Variants in HSPA12A observed in about 807,000 individuals in gnomAD.
HSPA12A encodes the protein heat shock protein family A (Hsp70) member 12A, also known as heat shock 70 kDa protein 12A.
In HSPA12A, 28 loss-of-function variants were observed where a neutral mutation model predicts 69.2. The ratio of observed to expected loss-of-function variants is 0.40; its 90% CI spans 0.30 to 0.55. The LOEUF (loss-of-function observed/expected upper bound fraction) is 0.55. Among genes scored for constraint, HSPA12A ranks in the 20% least tolerant of loss-of-function variants. HSPA12A has a pLI of 0.38. For synonymous variants in HSPA12A, 345 were observed against 370.5 expected, an observed-to-expected ratio of 0.93 and a Z score of 0.79; for missense variants, 686 against 900.7, an observed-to-expected ratio of 0.76 and a Z score of 3.05.
At chr10:116,803,016 G>A (rs967631967) in intron 2 of HSPA12A, among the ~76,000 whole-genome samples, 1 of 151,896 alleles carries the variant, frequency 6.6e-6, no homozygotes, top group Non-Finnish European at 1.5e-5. Flanking sequence ...ACAGAACAGG[G>A]CAAGAAATAA....
intron 2 of HSPA12A, among the ~76,000 whole-genome samples, chr10:116,757,016 G>C (rs1192049384): frequency 6.6e-6 from 1 of 152,008 alleles, no homozygotes; most frequent in African/African-American, 2.4e-5. Flanking sequence ...CCTAGAGACA[G>C]GTAATAGTAT....
At chr10:116,787,452 A>C (rs1365886124) in intron 2 of HSPA12A, among the ~76,000 whole-genome samples, 6 of 150,038 alleles carry the variant, frequency 4.0e-5, no homozygotes, top group South Asian at 2.2e-4. Flanking sequence ...AAAAAAAAAA[A>C]AAAAAAAAAA....
intron 1 of HSPA12A, among the ~76,000 whole-genome samples, chr10:116,730,352 G>A (rs1301730728): frequency 6.6e-6 from 1 of 152,186 alleles, no homozygotes; most frequent in African/African-American, 2.4e-5. Flanking sequence ...GAATACCTTG[G>A]TGAGGTCAAG....
chr10:116,784,989 C>G (rs1391950378), intron 2 of HSPA12A, among the ~76,000 whole-genome samples: 1 of 152,154 alleles, frequency 6.6e-6, no homozygotes, highest in East Asian at 1.9e-4. Context: ...GTTCTAGGCC[C>G]TGCTGTGTTC....
At chr10:116,817,796 G>T (rs1589723892) in intron 2 of HSPA12A, among the ~76,000 whole-genome samples, 1 of 152,126 alleles carries the variant, frequency 6.6e-6, no homozygotes, top group South Asian at 2.1e-4. Context: ...AAGAATGTGG[G>T]TCAGTCAAGA....
chr10:116,810,417 T>C (rs1016790840), intron 2 of HSPA12A, among the ~76,000 whole-genome samples: 1 of 151,548 alleles, frequency 6.6e-6, no homozygotes, highest in East Asian at 1.9e-4. Context: ...TAGACGAGGG[T>C]TTTTTCTTTC....
At chr10:116,748,980 C>G (rs1345559161) in intron 2 of HSPA12A, among the ~76,000 whole-genome samples, 1 of 152,076 alleles carries the variant, frequency 6.6e-6, no homozygotes, top group Non-Finnish European at 1.5e-5. Context: ...CAGAGCAGAC[C>G]CAGCTCCTCT....
chr10:116,780,692 T>C (rs1844445149), intron 2 of HSPA12A, among the ~76,000 whole-genome samples: 1 of 152,228 alleles, frequency 6.6e-6, no homozygotes, highest in African/African-American at 2.4e-5. Flanking sequence ...TTAAAAATTA[T>C]GATGCGTGCT....
intron 2 of HSPA12A, among the ~76,000 whole-genome samples, chr10:116,758,796 G>A (rs1843905065): frequency 6.6e-6 from 1 of 152,168 alleles, no homozygotes; most frequent in African/African-American, 2.4e-5. Context: ...TAGAGAAACT[G>A]AATTTAAAAC....
In HSPA12A at chr10:116,692,461, T is replaced by G; in HGVS notation, c.553A>C (p.Ser185Arg). The G allele has an allele frequency of 1.2e-6, 2 of 1,613,502 alleles. No individual in the cohort carries two copies. Among genetic ancestry groups the G allele is most frequent in the Non-Finnish European group, 1.7e-6 (2 of 1,179,492 alleles). The change falls in exon 6 of 12, where the codon AGT (serine) becomes CGT (arginine). Residue 185 changes from serine to arginine, a missense_variant. Ser to Arg is a moderately radical substitution (Grantham distance 110). Transcript: ENST00000369209. The stretch of plus-strand genomic sequence containing the variant: ...TCGAACTCCGAACCCGCCTGGTCAC[T>G]CAGCTCCTGAAGCCAAGGGAAAGAA... ...YFKEQALKEL[S>R]DQAGSEFENS...
At chr10:116,831,927 C>T (rs747603667) in intron 2 of HSPA12A, 3 of 152,174 alleles carry the variant, frequency 2.0e-5, no homozygotes, top group South Asian at 2.1e-4. Flanking sequence ...AAACCGCAAT[C>T]GCAGCTGTGC....
chr10:116,741,014 TCAGA>T (rs1176325793), intron 1 of HSPA12A, among the ~76,000 whole-genome samples: 1 of 146,510 alleles, frequency 6.8e-6, no homozygotes, highest in Non-Finnish European at 1.5e-5. Context: ...TGAGTGATGT[TCAGA>T]CAAAGACAGC....
intron 1 of HSPA12A, among the ~76,000 whole-genome samples, chr10:116,847,847 C>T (rs548160412): frequency 6.6e-6 from 1 of 152,274 alleles, no homozygotes; most frequent in South Asian, 2.1e-4. Flanking sequence ...TCGCAATCTT[C>T]CATTGAGATG....
Position 116,834,934 on chromosome 10 carries a change from C to T in HSPA12A, c.91+1G>A. 8.1e-7 allele frequency: 1 copy of T among 1,229,706 alleles called. No homozygotes were observed. The allele number at this position is 1,229,706 out of a possible 1,614,324, so 76.2% of individuals were successfully genotyped here. A position where few individuals can be genotyped will look rare whatever the true frequency, so the allele number is the denominator to read the frequency against. On this transcript the variant is annotated splice_donor_variant, in intron 2 of 12. Coordinates refer to the HSPA12A transcript ENST00000635765. LOFTEE classifies it high-confidence loss of function. ...CTTACACACATTAGTTAATTTCCTA[C>T]CTGAAGCGGCTATTTCCCACCTTGA...
In HSPA12A at chr10:116,675,472, G is replaced by T. The variant is rs1554877580; in HGVS notation, c.1391-54C>A. The T allele has an allele frequency of 1.3e-6, 2 of 1,492,006 alleles. No homozygotes were observed. The highest frequency in any genetic ancestry group is 1.4e-5 in the African/African-American group (1 of 71,416). 92.4% of individuals were successfully genotyped at this position (1,492,006 alleles called of 1,614,324 possible). ...CTGTCACCAAAAGCCAGCAAGGAAGGGGGAACTGGGCTGCCTGCATCTGTG... is the reference window on the plus strand; with the variant it reads ...CTGTCACCAAAAGCCAGCAAGGAAGTGGGAACTGGGCTGCCTGCATCTGTG... On this transcript the variant is annotated intron_variant, in intron 11 of 11. Coordinates refer to ENST00000369209, the MANE Select transcript of HSPA12A (RefSeq NM_025015.3). This position sits in a 1 kb window ranked among gnomAD's most constrained non-coding sequence, Gnocchi z 5.2.
At chr10:116,790,048 C>T (rs564965485) in intron 2 of HSPA12A, among the ~76,000 whole-genome samples, 8 of 151,772 alleles carry the variant, frequency 5.3e-5, no homozygotes, top group Non-Finnish European at 1.2e-4. Flanking sequence ...AAGGTCCTCC[C>T]ATGGCCCAGG....
At chr10:116,773,839 G>A (rs1033510889) in intron 2 of HSPA12A, among the ~76,000 whole-genome samples, 12 of 152,220 alleles carry the variant, frequency 7.9e-5, no homozygotes, top group Non-Finnish European at 1.8e-4. Context: ...TGATGATGCT[G>A]ACAATGGTCA....
intron 2 of HSPA12A, among the ~76,000 whole-genome samples, chr10:116,800,313 C>T (rs980991970): frequency 7.9e-5 from 12 of 152,246 alleles, no homozygotes; most frequent in African/African-American, 2.4e-4. Flanking sequence ...GACCCTCACC[C>T]CTGGCTGGCT....
intron 1 of HSPA12A, among the ~76,000 whole-genome samples, chr10:116,718,598 C>T (rs751017662): frequency 5.9e-5 from 9 of 152,160 alleles, no homozygotes; most frequent in Non-Finnish European, 7.3e-5. Flanking sequence ...AGGCACCAAC[C>T]TTGAGGGACA....
Sources: allele counts gnomAD v4.1 joint callset (sites outside exome capture counted in the v4.1 genomes callset), GRCh38; gene constraint gnomAD v4.1.1; non-coding constraint Gnocchi (gnomAD v3.1); transcripts MANE v1.5; gene names NCBI Gene and HGNC (gene_info 2026-07-23, HGNC 2026-07-21).